Variants in RCBTB2 observed in about 807,000 individuals in gnomAD.
The protein encoded by RCBTB2 is RCC1 and BTB domain-containing protein 2.
Under a neutral mutation model 65.4 loss-of-function variants are expected in RCBTB2, and 55 were observed. The ratio of observed to expected loss-of-function variants is 0.84; its 90% confidence interval spans 0.68 to 1.05. The LOEUF (loss-of-function observed/expected upper bound fraction) is 1.05. Ranked by LOEUF, RCBTB2 falls within the 50% of genes least tolerant of loss-of-function variation. The pLI, the probability that RCBTB2 is intolerant of heterozygous loss-of-function variation, is 0.00. For missense variants in RCBTB2, 599 were observed against 680.1 expected, an observed-to-expected ratio of 0.88 and a Z score of 1.33; for synonymous variants, 220 against 255.2, an observed-to-expected ratio of 0.86 and a Z score of 1.31.
intron 14 of RCBTB2, among the ~76,000 whole-genome samples, chr13:48,491,473 T>C (rs186715630): frequency 2.6e-5 from 4 of 152,356 alleles, no homozygotes; most frequent in Non-Finnish European, 4.4e-5. Flanking sequence ...CAGCATACTA[T>C]ACATAAAAAT....
rs1195568784 is a variant in RCBTB2, at chr13:48,533,070, G to A, written c.-261C>T. The A allele has an allele frequency of 2.2e-6, 1 of 454,418 alleles. No homozygotes were observed. The highest frequency in any genetic ancestry group is 4.4e-6 in the Non-Finnish European group (1 of 226,006). The allele number at this position is 454,418 out of a possible 1,614,324, so 28.1% of individuals were successfully genotyped here. A position where few individuals can be genotyped will look rare whatever the true frequency, so the allele number is the denominator to read the frequency against. ...CCTTGTCCGCTCCGCCTCCTGGGTA[G>A]CGGTTACTGCACGGTCAGGGGCCCG... On this transcript the variant is annotated 5_prime_UTR_variant, in exon 1 of 15. Coordinates refer to ENST00000344532, the MANE Select transcript of RCBTB2 (RefSeq NM_001268.4).
intron 10 of RCBTB2, among the ~76,000 whole-genome samples, chr13:48,508,081 T>C (rs1407355351): frequency 6.6e-6 from 1 of 152,194 alleles, no homozygotes; most frequent in Non-Finnish European, 1.5e-5. Flanking sequence ...CCCACTTCTG[T>C]GAACAGGTAA....
chr13:48,521,829 T>C (rs969452537), intron 4 of RCBTB2, 69 bp downstream of exon 4: 1 of 1,432,964 alleles, frequency 7.0e-7, no homozygotes, highest in East Asian at 2.3e-5. Context: ...CGGTGACCAA[T>C]AGGTGCTTCA....
upstream of RCBTB2, chr13:48,535,659 G>C (rs1566356829): frequency 2.2e-6 from 1 of 456,626 alleles, no homozygotes; most frequent in East Asian, 7.0e-5. Flanking sequence ...TGCTAAATCA[G>C]TGGTTACTTT....
intron 5 of RCBTB2, 38 bp from the exon 6 acceptor site, chr13:48,515,393 T>C: frequency 1.3e-6 from 2 of 1,585,890 alleles, no homozygotes; most frequent in Non-Finnish European, 8.6e-7. Context: ...GCAGTTCTAT[T>C]TCTAACAAAT....
chr13:48,521,375 AACAAAATAAC>A (rs2138607013), intron 4 of RCBTB2, among the ~76,000 whole-genome samples: 1 of 152,336 alleles, frequency 6.6e-6, no homozygotes, highest in Non-Finnish European at 1.5e-5. Context: ...ATGTAAATTT[AACAAAATAAC>A]ACAAGATGGA....
chr13:48,517,300 G>C (rs1394622419), intron 4 of RCBTB2, among the ~76,000 whole-genome samples: 1 of 152,122 alleles, frequency 6.6e-6, no homozygotes, highest in African/African-American at 2.4e-5. Context: ...CTTTGTGTTG[G>C]TTAATGAACA....
intron 12 of RCBTB2, among the ~76,000 whole-genome samples, chr13:48,501,421 T>G (rs1303296795): frequency 6.6e-6 from 1 of 152,130 alleles, no homozygotes; most frequent in African/African-American, 2.4e-5. Context: ...GCAGAAACGG[T>G]AACTGATGGA....
At chr13:48,498,663 G>A (rs1697022519) in intron 13 of RCBTB2, among the ~76,000 whole-genome samples, 1 of 152,112 alleles carries the variant, frequency 6.6e-6, no homozygotes, top group Admixed American at 6.5e-5. Context: ...CCGGGAGGCG[G>A]AGGTTGTGGT....
chr13:48,508,765 T>C (rs1446732491), intron 10 of RCBTB2, among the ~76,000 whole-genome samples: 5 of 152,178 alleles, frequency 3.3e-5, no homozygotes, highest in African/African-American at 1.2e-4. Context: ...AGAAATGCAA[T>C]AGATAACTCC....
intron 6 of RCBTB2, among the ~76,000 whole-genome samples, chr13:48,513,647 T>A (rs1274088396): frequency 1.3e-5 from 2 of 152,252 alleles, no homozygotes; most frequent in Non-Finnish European, 2.9e-5. Context: ...ATATTGATAA[T>A]CATATTGTTC....
At chr13:48,497,072 G>A (rs1157789409) in intron 13 of RCBTB2, among the ~76,000 whole-genome samples, 1 of 152,206 alleles carries the variant, frequency 6.6e-6, no homozygotes, top group East Asian at 1.9e-4. Flanking sequence ...CAGTGGCTTT[G>A]AGGGTGCAAT....
chr13:48,519,632 T>C (rs1333735215), intron 4 of RCBTB2, among the ~76,000 whole-genome samples: 5 of 152,204 alleles, frequency 3.3e-5, no homozygotes, highest in African/African-American at 1.2e-4. Flanking sequence ...TCTGATAGTA[T>C]CATTGACTAA....
chr13:48,493,327 T>TCTCCACACACACACACACACACA (rs1949819588), intron 14 of RCBTB2, among the ~76,000 whole-genome samples: 27 of 125,194 alleles, frequency 2.2e-4, no homozygotes, highest in African/African-American at 9.9e-4. Context: ...TCTCTCTCTC[T>TCTCCACACACACACACACACACA]CTCTCTCTCT....
chr13:48,510,795 G>A, intron 9 of RCBTB2, 24 bp from the exon 10 acceptor site: 1 of 1,595,330 alleles, frequency 6.3e-7, no homozygotes, highest in Non-Finnish European at 8.6e-7. Context: ...AATCCACTCA[G>A]GACTGCAAAT....
chr13:48,513,522 CATGT>C (rs1950920686), intron 6 of RCBTB2, among the ~76,000 whole-genome samples: 2 of 152,060 alleles, frequency 1.3e-5, no homozygotes, highest in South Asian at 4.1e-4. Flanking sequence ...TATTTTCCAG[CATGT>C]TGTCTCTTAG....
intron 12 of RCBTB2, 53 bp from the exon 13 acceptor site, chr13:48,499,813 GC>G: frequency 6.2e-7 from 1 of 1,604,472 alleles, no homozygotes; most frequent in South Asian, 1.1e-5. Context: ...AGGACAGATG[GC>G]CTCTGTGAGG....
At chr13:48,510,344 AG>A (rs1330609939) in intron 10 of RCBTB2, among the ~76,000 whole-genome samples, 2 of 152,190 alleles carry the variant, frequency 1.3e-5, no homozygotes, top group African/African-American at 4.8e-5. Context: ...GTGATTTGTA[AG>A]GCAGAAGAGT....
At chr13:48,518,195 C>T (rs796103797) in intron 4 of RCBTB2, among the ~76,000 whole-genome samples, 83 of 152,166 alleles carry the variant, frequency 5.5e-4, no homozygotes, top group African/African-American at 1.8e-3. Context: ...TACAGCAGCA[C>T]AAAGAAACTA....
Sources: allele counts gnomAD v4.1 joint callset (sites outside exome capture counted in the v4.1 genomes callset), GRCh38; gene constraint gnomAD v4.1.1; transcripts MANE v1.5; gene names NCBI Gene and HGNC (gene_info 2026-07-23, HGNC 2026-07-21).